BCAT1: variants seen among roughly 807,000 people sequenced by gnomAD.
BCAT1 encodes the protein branched-chain-amino-acid aminotransferase, cytosolic.
BCAT1 carries 48 observed loss-of-function variants against 52.4 expected under a neutral mutation model. The observed-to-expected ratio is 0.92, with a 90% CI of 0.73 to 1.16. The LOEUF is 1.16. Among genes scored for constraint, BCAT1 ranks in the 50% most tolerant of loss-of-function variants. The pLI, the probability that BCAT1 is intolerant of heterozygous loss-of-function variation, is 0.00. For missense variants in BCAT1, 451 were observed against 457.1 expected (o/e 0.99, Z 0.12); for synonymous variants, 167 against 161.3 (o/e 1.04, Z -0.27).
intron 3 of BCAT1, among the ~76,000 whole-genome samples, chr12:24,891,449 C>G (rs1942835059): frequency 6.6e-6 from 1 of 152,168 alleles, no homozygotes; most frequent in Non-Finnish European, 1.5e-5. Context: ...AAGCAAAAAC[C>G]ACTTAGCCAT....
At chr12:24,936,682 A>G (rs1943758166) in intron 1 of BCAT1, among the ~76,000 whole-genome samples, 1 of 122,270 alleles carries the variant, frequency 8.2e-6, no homozygotes, top group South Asian at 2.7e-4. Flanking sequence ...CCTTATCCTC[A>G]GATCAAGTAA....
chr12:24,819,570 A>G (rs748867781), intron 10 of BCAT1, among the ~76,000 whole-genome samples: 2 of 152,160 alleles, frequency 1.3e-5, no homozygotes, highest in Non-Finnish European at 2.9e-5. Context: ...CAAGCTTCTC[A>G]TCTTACATAT....
intron 3 of BCAT1, among the ~76,000 whole-genome samples, chr12:24,890,787 C>G (rs1353763338): frequency 6.6e-6 from 1 of 152,232 alleles, no homozygotes; most frequent in Non-Finnish European, 1.5e-5. Context: ...CGGAGCTCCT[C>G]TGTCTACGGA....
intron 3 of BCAT1, among the ~76,000 whole-genome samples, chr12:24,882,745 C>G (rs538074077): frequency 2.6e-5 from 4 of 151,712 alleles, no homozygotes; most frequent in African/African-American, 9.7e-5. Context: ...ACTACAGGCG[C>G]GCACCACCAC....
chr12:24,926,302 C>A (rs1259450443), intron 1 of BCAT1, among the ~76,000 whole-genome samples: 1 of 151,854 alleles, frequency 6.6e-6, no homozygotes, highest in East Asian at 1.9e-4. Flanking sequence ...AGTAAAGAGC[C>A]CCTCCGCCCA....
intron 1 of BCAT1, among the ~76,000 whole-genome samples, chr12:24,917,264 C>A (rs1401769804): frequency 6.9e-6 from 1 of 144,646 alleles, no homozygotes; most frequent in East Asian, 2.1e-4. Context: ...CTGCAAGCTC[C>A]GTCTTGCCGC....
intron 1 of BCAT1, among the ~76,000 whole-genome samples, chr12:24,928,052 G>A (rs1943619548): frequency 6.6e-6 from 1 of 152,104 alleles, no homozygotes; most frequent in African/African-American, 2.4e-5. Flanking sequence ...ACCACCACCA[G>A]CCCCCAGCAA....
intron 1 of BCAT1, among the ~76,000 whole-genome samples, chr12:24,924,695 T>C (rs963841517): frequency 6.6e-6 from 1 of 151,752 alleles, no homozygotes; most frequent in Non-Finnish European, 1.5e-5. Flanking sequence ...TATTGATCCG[T>C]ATTAAAAGAA....
chr12:24,923,599 G>A (rs981557815), intron 1 of BCAT1, among the ~76,000 whole-genome samples: 1 of 152,028 alleles, frequency 6.6e-6, no homozygotes, highest in Non-Finnish European at 1.5e-5. Context: ...TTGTAGAGTT[G>A]AGGTTTTGCC....
chr12:24,828,287 G>A (rs1156515047), intron 10 of BCAT1, among the ~76,000 whole-genome samples: 2 of 152,188 alleles, frequency 1.3e-5, no homozygotes, highest in Admixed American at 6.5e-5. Context: ...TGAAATGCTT[G>A]CAAATTACAG....
rs116572908 is a variant in BCAT1 at position 24,888,826 on chromosome 12, G to A, written c.279+5449C>T. On this transcript the variant is annotated intron_variant, in intron 3 of 10. Transcript: ENST00000261192. Reference sequence around the variant, plus strand: ...TGAAAAGCAGCCCCTTTCTAAAGAAGAGCAGCCTGTAAAATCAAGCTGCAG... The same window carrying A: ...TGAAAAGCAGCCCCTTTCTAAAGAAAAGCAGCCTGTAAAATCAAGCTGCAG... 7.5e-3 allele frequency among the ~76,000 whole-genome samples: 1,143 copies of A among 152,212 alleles called. 9 individuals are homozygous for A. The highest frequency in any genetic ancestry group is 0.027 in the African/African-American group (1,105 of 41,518).
intron 7 of BCAT1, among the ~76,000 whole-genome samples, chr12:24,838,671 T>A (rs1288104317): frequency 6.6e-6 from 1 of 152,148 alleles, no homozygotes; most frequent in East Asian, 1.9e-4. Context: ...ACCACTAGCC[T>A]GAGGTCAAGG....
At position 24,920,844 on chromosome 12, in the gene BCAT1, G is replaced by A. The variant is rs960245485; in HGVS notation, c.7-18959C>T. On this transcript the variant is annotated intron_variant, in intron 1 of 10. Transcript: ENST00000261192. ...CCCCCTCTTCCGGTTTGATTAATTT[G>A]CTAGCGTGGTTCACAGAACTGAGGA... is the stretch of plus-strand genomic sequence containing the variant. Among the ~76,000 whole-genome samples, 3 of 152,180 alleles carry A rather than the reference G, an allele frequency of 2.0e-5. No individual in the cohort carries two copies. The South Asian group carries it at 6.2e-4, about 32-fold the overall frequency.
At chr12:24,948,796 G>T (rs1235044463) in intron 1 of BCAT1, 131 bp downstream of exon 1, 3 of 1,005,050 alleles carry the variant, frequency 3.0e-6, no homozygotes, top group South Asian at 1.6e-5. Context: ...ATACTGAGAC[G>T]TTTGCGGGGG....
At chr12:24,837,211 A>G (rs981870677) in intron 7 of BCAT1, among the ~76,000 whole-genome samples, 1 of 148,276 alleles carries the variant, frequency 6.7e-6, no homozygotes, top group Non-Finnish European at 1.5e-5. Context: ...TTCCACCAAC[A>G]AACAGTAAGA....
chr12:24,936,547 T>A (rs1020327527), intron 1 of BCAT1, among the ~76,000 whole-genome samples: 2 of 152,204 alleles, frequency 1.3e-5, no homozygotes, highest in Non-Finnish European at 2.9e-5. Flanking sequence ...AAAATTATTA[T>A]CTTATGGTTC....
chr12:24,901,212 G>T (rs1943093851), intron 2 of BCAT1, among the ~76,000 whole-genome samples: 1 of 152,158 alleles, frequency 6.6e-6, no homozygotes, highest in Non-Finnish European at 1.5e-5. Context: ...GATGACAATT[G>T]ACAGTGACTC....
intron 1 of BCAT1, among the ~76,000 whole-genome samples, chr12:24,914,302 C>T (rs1327625131): frequency 1.3e-5 from 2 of 152,032 alleles, no homozygotes; most frequent in African/African-American, 2.4e-5. Flanking sequence ...TGGCTGGTCT[C>T]GAACTCCTGA....
chr12:24,902,826 G>C (rs1354449042), intron 1 of BCAT1: 2 of 1,363,110 alleles, frequency 1.5e-6, no homozygotes, highest in South Asian at 2.7e-5. Context: ...AGGCGGAATG[G>C]AGGGCAAGGC....
Sources: gnomAD v4.1 joint callset for allele counts (sites outside exome capture counted in the v4.1 genomes callset) on GRCh38, gnomAD v4.1.1 for gene constraint, MANE v1.5 for transcripts, NCBI Gene and HGNC (gene_info 2026-07-23, HGNC 2026-07-21) for gene names.